The following SGPL1 variants were observed in gnomAD, a reference collection of about 807,000 sequenced individuals.
The protein encoded by SGPL1 is SP-lyase 1.
SGPL1 carries 37 observed loss-of-function variants against 68.9 expected under a neutral mutation model. The observed-to-expected ratio is 0.54, with a 90% confidence interval of 0.41 to 0.71. SGPL1 has a LOEUF of 0.71. SGPL1 is among the 30% of genes least tolerant of loss of function. The probability of loss-of-function intolerance (pLI) is 0.00; values close to 1 mark genes in which losing one functional copy is unlikely to be tolerated. For synonymous variants in SGPL1, 236 were observed against 248.5 expected, an observed-to-expected ratio of 0.95 and a Z score of 0.47; for missense variants, 551 against 704.6, an observed-to-expected ratio of 0.78 and a Z score of 2.47.
rs746950533 is a variant in SGPL1, at chr10:70,877,402, C to T, written c.*67C>T. 1.3e-5 allele frequency: 20 copies of T among 1,524,866 alleles called. No individual in the cohort carries two copies. Among genetic ancestry groups the T allele is most frequent in the Non-Finnish European group, 1.5e-5 (17 of 1,102,280 alleles). The allele number at this position is 1,524,866 out of a possible 1,614,324, so 94.5% of individuals were successfully genotyped here. A position where few individuals can be genotyped will look rare whatever the true frequency, so the allele number is the denominator to read the frequency against. The stretch of plus-strand genomic sequence containing the variant: ...AAGGTTCTTGGGATATGGAACAGGC[C>T]GTGCACAACTTTGACATCTGGTCTT... On this transcript the variant is annotated 3_prime_UTR_variant, in exon 15 of 15. Transcript: ENST00000373202.
chr10:70,835,333 T>C (rs1036963673), intron 2 of SGPL1, among the ~76,000 whole-genome samples: 3 of 152,062 alleles, frequency 2.0e-5, no homozygotes, highest in Admixed American at 6.6e-5. Context: ...TTGAATTCTT[T>C]CCTTCTAGGA....
chr10:70,870,897 G>A, intron 9 of SGPL1, 151 bp from the exon 10 acceptor site: 1 of 651,672 alleles, frequency 1.5e-6, no homozygotes, highest in East Asian at 2.7e-5. Context: ...TCACCGTGGT[G>A]GGATGCAGTC....
chr10:70,825,490 C>T (rs1006144220), intron 2 of SGPL1, among the ~76,000 whole-genome samples: 3 of 152,148 alleles, frequency 2.0e-5, no homozygotes, highest in Non-Finnish European at 2.9e-5. Flanking sequence ...AATTCTTGAA[C>T]AGAATCTTGA....
rs1846478825 is a variant in SGPL1, at chr10:70,880,355, A to G, written c.*3020A>G. The G allele has an allele frequency of 6.6e-6, 1 of 152,254 alleles. No homozygotes were observed. Among genetic ancestry groups the G allele is most frequent in the African/African-American group, 2.4e-5 (1 of 41,470 alleles). The allele number at this position is 152,254 out of a possible 1,614,324, so 9.4% of individuals were successfully genotyped here. On this transcript the variant is annotated 3_prime_UTR_variant, in exon 15 of 15. Transcript: ENST00000373202. ...CAGCAGTGGTAGTCGTACCTATTTC[A>G]GAGAGGTCTGAAATTCAGGTTCTTA...
At chr10:70,816,216 A>C (rs1180976172) in intron 1 of SGPL1, 90 bp downstream of exon 1, 1 of 59,374 alleles carries the variant, frequency 1.7e-5, no homozygotes, top group Non-Finnish European at 3.1e-5. Context: ...GGGTGGGCCG[A>C]GGGCGGGCAG....
chr10:70,816,765 A>G (rs551688628), intron 1 of SGPL1, 46 bp from the exon 2 acceptor site: 16 of 1,329,036 alleles, frequency 1.2e-5, no homozygotes, highest in Non-Finnish European at 1.5e-5. Context: ...GGCTGGCGAG[A>G]CAGTTTAAAG....
chr10:70,817,413 T>G (rs1406364600), intron 2 of SGPL1, among the ~76,000 whole-genome samples: 7 of 152,234 alleles, frequency 4.6e-5, no homozygotes, highest in Admixed American at 4.6e-4. Flanking sequence ...TATTGAAGAA[T>G]CTTTTTCAAA....
intron 2 of SGPL1, among the ~76,000 whole-genome samples, chr10:70,833,875 CAAAT>C (rs1021833926): frequency 1.3e-5 from 2 of 152,184 alleles, no homozygotes; most frequent in African/African-American, 4.8e-5. Flanking sequence ...TTCAGGAAAA[CAAAT>C]AACAAATTCT....
At chr10:70,840,113 T>A (rs1236581492) in intron 2 of SGPL1, among the ~76,000 whole-genome samples, 1 of 152,040 alleles carries the variant, frequency 6.6e-6, no homozygotes. Context: ...ACATAAATTG[T>A]GAAAAGAAAA....
chr10:70,842,934 G>A (rs1845738328), intron 2 of SGPL1, among the ~76,000 whole-genome samples: 1 of 151,410 alleles, frequency 6.6e-6, no homozygotes, highest in Admixed American at 6.6e-5. Context: ...CACATGTTGG[G>A]GATTTAGTAC....
chr10:70,856,001 T>G (rs1040093801), intron 5 of SGPL1, among the ~76,000 whole-genome samples: 2 of 152,132 alleles, frequency 1.3e-5, no homozygotes, highest in Non-Finnish European at 2.9e-5. Context: ...ATACCCTTAT[T>G]TTTTATTTTT....
At chr10:70,818,865 A>G (rs911573784) in intron 2 of SGPL1, among the ~76,000 whole-genome samples, 8 of 152,364 alleles carry the variant, frequency 5.3e-5, no homozygotes, top group African/African-American at 1.9e-4. Flanking sequence ...GGAAACTATA[A>G]GTAAGCAAAA....
chr10:70,816,655 G>T (rs1845236893), intron 1 of SGPL1, among the ~76,000 whole-genome samples, 156 bp from the exon 2 acceptor site: 1 of 152,178 alleles, frequency 6.6e-6, no homozygotes, highest in Non-Finnish European at 1.5e-5. Context: ...TGATTCGCTG[G>T]TCTGGGGTGC....
intron 2 of SGPL1, among the ~76,000 whole-genome samples, chr10:70,825,627 A>G (rs1425396600): frequency 6.6e-6 from 1 of 152,166 alleles, no homozygotes; most frequent in Non-Finnish European, 1.5e-5. Context: ...GTAGCCTTAG[A>G]ATCTTAATTG....
At chr10:70,857,449 C>A in intron 5 of SGPL1, 165 bp from the exon 6 acceptor site, 1 of 575,560 alleles carries the variant, frequency 1.7e-6, no homozygotes, top group African/African-American at 1.9e-5. Flanking sequence ...ATTGTGCTAA[C>A]TCTATTGAAC....
chr10:70,856,326 C>T (rs1440591054), intron 5 of SGPL1, among the ~76,000 whole-genome samples: 1 of 152,130 alleles, frequency 6.6e-6, no homozygotes, highest in Non-Finnish European at 1.5e-5. Context: ...TTCTAAGTGA[C>T]ATGTGTTGAG....
chr10:70,862,613 C>A (rs886117985), intron 7 of SGPL1, among the ~76,000 whole-genome samples: 2 of 152,156 alleles, frequency 1.3e-5, no homozygotes, highest in Non-Finnish European at 2.9e-5. Context: ...ACACTCACCA[C>A]GAAGGTCTGC....
chr10:70,863,343 C>A (rs1191161737), intron 7 of SGPL1, among the ~76,000 whole-genome samples: 1 of 134,292 alleles, frequency 7.4e-6, no homozygotes, highest in African/African-American at 2.8e-5. Flanking sequence ...TAGTCCTTTT[C>A]CTTGGCTTAA....
intron 2 of SGPL1, among the ~76,000 whole-genome samples, chr10:70,830,828 C>G (rs559710402): frequency 6.6e-6 from 1 of 152,046 alleles, no homozygotes; most frequent in African/African-American, 2.4e-5. Context: ...AGATAATTTT[C>G]GAAAGTAATA....
Sources: allele counts gnomAD v4.1 joint callset (sites outside exome capture counted in the v4.1 genomes callset), GRCh38; gene constraint gnomAD v4.1.1; transcripts MANE v1.5; gene names NCBI Gene and HGNC (gene_info 2026-07-23, HGNC 2026-07-21).